Variants in PCGF5 observed in about 807,000 individuals in gnomAD.
PCGF5 encodes polycomb group RING finger protein 5.
PCGF5 carries 9 observed loss-of-function variants against 44.3 expected under a neutral mutation model. The ratio of observed to expected loss-of-function variants is 0.20; its 90% confidence interval spans 0.12 to 0.35. PCGF5 has a LOEUF of 0.35. PCGF5 is among the 10% of genes least tolerant of loss of function. PCGF5 has a pLI of 1.00. For missense variants in PCGF5, 146 were observed against 305.3 expected (o/e 0.48, Z 3.89); for synonymous variants, 95 against 102.5 (o/e 0.93, Z 0.44).
At chr10:91,166,459 G>C (rs1187667393) in intron 1 of PCGF5, among the ~76,000 whole-genome samples, 2 of 152,136 alleles carry the variant, frequency 1.3e-5, no homozygotes, top group East Asian at 1.9e-4. Context: ...TCTGACAACA[G>C]AATTAGATAT....
At chr10:91,177,712 A>G (rs7097620) in intron 1 of PCGF5, among the ~76,000 whole-genome samples, 68,432 of 152,098 alleles carry the variant, frequency 0.45, 15,415 homozygotes, top group East Asian at 0.52. Flanking sequence ...AGCCAGGTGC[A>G]GGATATAATC....
intron 1 of PCGF5, among the ~76,000 whole-genome samples, chr10:91,221,893 A>C (rs1341911941): frequency 6.6e-6 from 1 of 152,212 alleles, no homozygotes; most frequent in East Asian, 1.9e-4. Context: ...GTAAGCATTA[A>C]AAACTAGGGA....
At chr10:91,277,163 G>A (rs576312895) in intron 9 of PCGF5, among the ~76,000 whole-genome samples, 1 of 152,268 alleles carries the variant, frequency 6.6e-6, no homozygotes, top group African/African-American at 2.4e-5. Context: ...GTTCCATCCT[G>A]AGCTGAATGG....
intron 1 of PCGF5, among the ~76,000 whole-genome samples, chr10:91,168,305 G>A (rs549246672): frequency 1.3e-5 from 2 of 152,256 alleles, no homozygotes; most frequent in Admixed American, 1.3e-4. Flanking sequence ...GAAGAAAGAA[G>A]CAGGAGGGGG....
intron 3 of PCGF5, among the ~76,000 whole-genome samples, chr10:91,241,259 G>A (rs1367464600): frequency 6.6e-6 from 1 of 151,842 alleles, no homozygotes; most frequent in Non-Finnish European, 1.5e-5. Context: ...AGTAGAGACA[G>A]GGTTTCTCCA....
At chr10:91,170,524 T>C (rs1245730956) in intron 1 of PCGF5, among the ~76,000 whole-genome samples, 1 of 152,182 alleles carries the variant, frequency 6.6e-6, no homozygotes, top group East Asian at 1.9e-4. Flanking sequence ...GCACATCATA[T>C]GTCATCAGGA....
intron 1 of PCGF5, among the ~76,000 whole-genome samples, chr10:91,186,540 GTGTA>G (rs775085532): frequency 4.2e-5 from 5 of 119,718 alleles, no homozygotes; most frequent in South Asian, 3.0e-4. Context: ...ATGTGTGTGT[GTGTA>G]TATATATATA....
At chr10:91,225,441 G>A (rs937451233) in intron 2 of PCGF5, among the ~76,000 whole-genome samples, 3 of 151,422 alleles carry the variant, frequency 2.0e-5, no homozygotes, top group Non-Finnish European at 4.4e-5. Flanking sequence ...GAGAGAGAAT[G>A]AACATTGTAG....
chr10:91,195,491 G>GAA (rs1844117400), intron 1 of PCGF5, among the ~76,000 whole-genome samples: 1 of 148,286 alleles, frequency 6.7e-6, no homozygotes, highest in African/African-American at 2.6e-5. Flanking sequence ...TATATAGAGA[G>GAA]AGAGAGAGAG....
upstream of PCGF5, among the ~76,000 whole-genome samples, chr10:91,218,979 A>G (rs1426762625): frequency 6.6e-6 from 1 of 151,962 alleles, no homozygotes; most frequent in East Asian, 1.9e-4. Flanking sequence ...ACTTGTTTTT[A>G]TTTTGTGTAT....
At chr10:91,157,241 T>C in the PCGF5 span, among the ~76,000 whole-genome samples, 2 of 152,252 alleles carry the variant, frequency 1.3e-5, no homozygotes, top group African/African-American at 2.4e-5. Flanking sequence ...TAGGCACATA[T>C]ACTAACAATA....
At chr10:91,249,371 GTATATATATATATATA>G (rs3074316) in intron 5 of PCGF5, among the ~76,000 whole-genome samples, 29,616 of 120,230 alleles carry the variant, frequency 0.25, 3,858 homozygotes, top group Non-Finnish European at 0.27. Flanking sequence ...GGCTTTTAGT[GTATATATATATATATA>G]TATATATATA....
At position 91,248,530 on chromosome 10, in the gene PCGF5, A is replaced by G. The variant is rs767091903; in HGVS notation, c.235A>G (p.Ile79Val). 3 of 1,613,106 alleles carry G rather than the reference A, an allele frequency of 1.9e-6. No individual in the cohort carries two copies. The East Asian group carries it at 6.7e-5, about 36-fold the overall frequency. ...LRLDNTLEEIIFKLVPGLREQ... is the reference protein window; with the variant it reads ...LRLDNTLEEIVFKLVPGLREQ... ...GTTGGACAATACATTAGAGGAAATT[A>G]TATTTAAGCTGGTCCCTGGACTACG... The change falls in exon 4 of 10, where the codon ATA (isoleucine) becomes GTA (valine). Residue 79 changes from isoleucine (I) to valine (V), a missense_variant. Physicochemically the swap from Ile to Val is conservative, Grantham distance 29 (BLOSUM62 3). Around this residue, in one of 3 missense-constraint regions of PCGF5, gnomAD observed 123 missense variants for 268.6 expected, o/e 0.46. Coordinates refer to ENST00000336126, the MANE Select transcript of PCGF5 (RefSeq NM_032373.5).
chr10:91,256,111 T>C (rs1211060247), intron 6 of PCGF5, among the ~76,000 whole-genome samples: 1 of 152,044 alleles, frequency 6.6e-6, no homozygotes, highest in Admixed American at 6.6e-5. Context: ...AAGCAGTCAA[T>C]AGAAACTGTC....
intron 1 of PCGF5, among the ~76,000 whole-genome samples, chr10:91,193,449 G>A (rs1198054089): frequency 6.6e-6 from 1 of 151,856 alleles, no homozygotes; most frequent in East Asian, 1.9e-4. Flanking sequence ...TGGGGGGGTG[G>A]GACATTAAGC....
Position 91,261,163 on chromosome 10 carries a change from T to A in PCGF5, c.475-163T>A, listed in dbSNP as rs566035308. On this transcript the variant is annotated intron_variant, in intron 6 of 9. Coordinates refer to ENST00000336126, the MANE Select transcript of PCGF5 (RefSeq NM_032373.5). Reference sequence around the variant, plus strand: ...GTAAGTATCCAATAATTAGGAATATTTTTACTCGCAAATACTAAAAAGCTA... The same window carrying A: ...GTAAGTATCCAATAATTAGGAATATATTTACTCGCAAATACTAAAAAGCTA... 1.6e-3 allele frequency among the ~76,000 whole-genome samples: 239 copies of A among 152,208 alleles called. 1 individual carries two copies. Among genetic ancestry groups the A allele is most frequent in the African/African-American group, 5.6e-3 (234 of 41,556 alleles).
intron 1 of PCGF5, among the ~76,000 whole-genome samples, chr10:91,210,892 G>A (rs1844439777): frequency 6.6e-6 from 1 of 152,208 alleles, no homozygotes; most frequent in Non-Finnish European, 1.5e-5. Context: ...TCATTTAAAT[G>A]TAGAAGAATA....
chr10:91,159,060 C>G (rs978229785), upstream of PCGF5, among the ~76,000 whole-genome samples: 1 of 152,126 alleles, frequency 6.6e-6, no homozygotes, highest in African/African-American at 2.4e-5. Context: ...GAAATTGGAG[C>G]TAGAAAGATA....
intron 1 of PCGF5, among the ~76,000 whole-genome samples, chr10:91,182,197 C>T (rs1012337986): frequency 2.9e-5 from 4 of 138,132 alleles, no homozygotes; most frequent in East Asian, 4.3e-4. Context: ...GAATAGTTCC[C>T]GTAGGAATGG....
Sources: gnomAD v4.1 joint callset for allele counts (sites outside exome capture counted in the v4.1 genomes callset) on GRCh38, gnomAD v4.1.1 for gene constraint, gnomAD v4.1.1 regional missense constraint, MANE v1.5 for transcripts, NCBI Gene and HGNC (gene_info 2026-07-23, HGNC 2026-07-21) for gene names.